GIPC2: variants seen among roughly 807,000 people sequenced by gnomAD.
GIPC2 encodes PDZ domain-containing protein GIPC2.
In GIPC2, 30 loss-of-function variants were observed where a neutral mutation model predicts 30.6. The observed-to-expected ratio is 0.98, with a 90% CI of 0.73 to 1.33. GIPC2 has a LOEUF of 1.33. Ranked by LOEUF, GIPC2 falls within the 40% of genes most tolerant of loss-of-function variation. The pLI is 0.00. For synonymous variants in GIPC2, 167 were observed against 150.0 expected (o/e 1.11, Z -0.83); for missense variants, 414 against 390.3 (o/e 1.06, Z -0.51).
chr1:78,092,072 C>T (rs946065387), intron 2 of GIPC2: 1 of 1,492,614 alleles, frequency 6.7e-7, no homozygotes, highest in South Asian at 1.1e-5. Flanking sequence ...GTCAGCTTCA[C>T]CCCCCGGCTT....
At chr1:78,116,059 T>G (rs1662561282) in intron 3 of GIPC2, among the ~76,000 whole-genome samples, 1 of 152,264 alleles carries the variant, frequency 6.6e-6, no homozygotes. Flanking sequence ...GATTCATAGT[T>G]CCACATGGCT....
chr1:78,134,332 ATGTG>A (rs1243442044), intron 5 of GIPC2, among the ~76,000 whole-genome samples: 1 of 146,902 alleles, frequency 6.8e-6, no homozygotes, highest in Admixed American at 6.7e-5. Context: ...GTGTCTGTGT[ATGTG>A]TGTATGTATG....
intron 5 of GIPC2, among the ~76,000 whole-genome samples, chr1:78,132,613 TA>T (rs370551267): frequency 0.02 from 2,940 of 147,616 alleles, 52 homozygotes; most frequent in Middle Eastern, 0.056. Flanking sequence ...TCCTGAGGTA[TA>T]AAAAAAAAAT....
chr1:78,105,617 A>G (rs1662335912), intron 3 of GIPC2, among the ~76,000 whole-genome samples: 1 of 152,134 alleles, frequency 6.6e-6, no homozygotes, highest in Admixed American at 6.5e-5. Flanking sequence ...GACCATTTAG[A>G]GTTAATAACA....
At chr1:78,070,291 C>T (rs937383992) in intron 1 of GIPC2, among the ~76,000 whole-genome samples, 4 of 152,032 alleles carry the variant, frequency 2.6e-5, no homozygotes, top group Non-Finnish European at 5.9e-5. Context: ...AAAATGTCCC[C>T]TGTTATAGTC....
chr1:78,052,000 C>T (rs1661207038), intron 1 of GIPC2, among the ~76,000 whole-genome samples: 1 of 152,292 alleles, frequency 6.6e-6, no homozygotes, highest in African/African-American at 2.4e-5. Context: ...GGCTTCCCCT[C>T]TCACTTGGAA....
At chr1:78,055,461 A>C (rs915342260) in intron 1 of GIPC2, among the ~76,000 whole-genome samples, 1 of 152,186 alleles carries the variant, frequency 6.6e-6, no homozygotes, top group African/African-American at 2.4e-5. Flanking sequence ...CATTCTGTTC[A>C]GGTTAAAGCA....
chr1:78,046,174 C>T lies in GIPC2; in HGVS notation c.80C>T (p.Ala27Val), dbSNP rs576273678. 5 of 1,564,140 alleles carry T rather than the reference C, an allele frequency of 3.2e-6. No homozygotes were observed. In the African/African-American group the frequency reaches 6.9e-5, roughly 22 times the overall value. The change falls in exon 1 of 6, where the codon GCG becomes GTG. Residue 27 changes from alanine to valine, a missense_variant. Coordinates refer to ENST00000370759, the MANE Select transcript of GIPC2 (RefSeq NM_017655.6). ...AGLVEGEPTG[A>V]GGGSLSASRA... is the part of the protein sequence containing the mutation. ...CTGGTGGAGGGCGAGCCGACGGGCG[C>T]GGGCGGCGGGAGCCTCTCAGCGTCC...
In GIPC2 at chr1:78,137,058, G is replaced by A. The variant is rs535837087; in HGVS notation, c.*1315G>A. ...CTTGTTTTCTGGTAAAACTTTAGTT[G>A]TATTGCCATCCACTCCTTTTTCAAA... On this transcript the variant is annotated 3_prime_UTR_variant, in exon 6 of 6. Coordinates refer to ENST00000370759, the MANE Select transcript of GIPC2 (RefSeq NM_017655.6). 39 of 152,276 alleles carry A rather than the reference G, an allele frequency of 2.6e-4. No homozygotes were observed. The highest frequency in any genetic ancestry group is 8.4e-4 in the African/African-American group (35 of 41,568). 9.4% of individuals were successfully genotyped at this position (152,276 alleles called of 1,614,324 possible).
rs1300427305 is a variant in GIPC2 at position 78,106,166 on chromosome 1, C to T, written c.607+11034C>T. Reference sequence around the variant, plus strand: ...AGGAGAATCGCTTGAACCTGGGAGGCGGAGGTTGCAATGAGCTGAGATCGC... The same window carrying T: ...AGGAGAATCGCTTGAACCTGGGAGGTGGAGGTTGCAATGAGCTGAGATCGC... On this transcript the variant is annotated intron_variant, in intron 3 of 5. Transcript: ENST00000370759. Among the ~76,000 whole-genome samples, 13 of 144,706 alleles carry T rather than the reference C, an allele frequency of 9.0e-5. No homozygotes were observed. The South Asian group carries it at 1.8e-3, about 20-fold the overall frequency. The allele number at this position is 144,706 out of a possible 152,430, so 94.9% of individuals were successfully genotyped here.
At chr1:78,059,780 A>G (rs1661358850) in intron 1 of GIPC2, among the ~76,000 whole-genome samples, 1 of 152,118 alleles carries the variant, frequency 6.6e-6, no homozygotes, top group Admixed American at 6.6e-5. Flanking sequence ...AAAAACAATA[A>G]CAAAAAGAAA....
intron 2 of GIPC2, among the ~76,000 whole-genome samples, chr1:78,085,498 C>T (rs1055868003): frequency 6.6e-6 from 1 of 151,006 alleles, no homozygotes; most frequent in East Asian, 1.9e-4. Flanking sequence ...GGAATGGCAC[C>T]AGCTTTTCTT....
intron 1 of GIPC2, among the ~76,000 whole-genome samples, chr1:78,076,150 A>G (rs1387339686): frequency 6.6e-6 from 1 of 152,194 alleles, no homozygotes; most frequent in African/African-American, 2.4e-5. Flanking sequence ...TCATTAAGCA[A>G]TTTAAACCTG....
At chr1:78,106,407 A>C (rs949957962) in intron 3 of GIPC2, among the ~76,000 whole-genome samples, 1 of 151,718 alleles carries the variant, frequency 6.6e-6, no homozygotes, top group Admixed American at 6.6e-5. Flanking sequence ...AAAATACAAA[A>C]AAATTAGCCA....
upstream of GIPC2, chr1:78,045,921 G>C: frequency 7.4e-7 from 1 of 1,345,158 alleles, no homozygotes; most frequent in Non-Finnish European, 9.5e-7. Context: ...GCGGGCGGCT[G>C]CTCCGGTCCA....
At chr1:78,089,743 C>A (rs1453922616) in intron 2 of GIPC2, among the ~76,000 whole-genome samples, 2 of 152,116 alleles carry the variant, frequency 1.3e-5, no homozygotes, top group African/African-American at 4.8e-5. Flanking sequence ...TATATAAATA[C>A]CTTAATCAGA....
chr1:78,075,020 A>AG (rs1172985210), intron 1 of GIPC2, among the ~76,000 whole-genome samples: 2 of 152,254 alleles, frequency 1.3e-5, no homozygotes, highest in African/African-American at 4.8e-5. Context: ...AATCCAACCC[A>AG]GGATGGCTTG....
At chr1:78,130,396 C>T (rs1055901108) in intron 5 of GIPC2, among the ~76,000 whole-genome samples, 3 of 152,024 alleles carry the variant, frequency 2.0e-5, no homozygotes, top group South Asian at 2.1e-4. Flanking sequence ...GCTACCATGC[C>T]GGGCCAGATC....
At position 78,137,137 on chromosome 1, in the gene GIPC2, A is replaced by C. The variant is rs1571537823; in HGVS notation, c.*1394A>C. ...TTTGTCCGATTAATTTGAAATCTGC[A>C]CAGAAGCTGTTTTAGTCATTAATGT... is the stretch of plus-strand genomic sequence containing the variant. On this transcript the variant is annotated 3_prime_UTR_variant, in exon 6 of 6. Coordinates refer to ENST00000370759, the MANE Select transcript of GIPC2 (RefSeq NM_017655.6). The C allele has an allele frequency of 6.6e-6, 1 of 152,306 alleles. No individual in the cohort carries two copies. Among genetic ancestry groups the C allele is most frequent in the East Asian group, 1.9e-4 (1 of 5,186 alleles). 9.4% of individuals were successfully genotyped at this position (152,306 alleles called of 1,614,324 possible). A position where few individuals can be genotyped will look rare whatever the true frequency, so the allele number is the denominator to read the frequency against.
Sources: gnomAD v4.1 joint callset for allele counts (sites outside exome capture counted in the v4.1 genomes callset) on GRCh38, gnomAD v4.1.1 for gene constraint, MANE v1.5 for transcripts, NCBI Gene and HGNC (gene_info 2026-07-23, HGNC 2026-07-21) for gene names.